EBF2: variants seen among roughly 807,000 people sequenced by gnomAD.
EBF2 encodes transcription factor COE2.
EBF2 carries 21 observed loss-of-function variants against 72.8 expected under a neutral mutation model. The observed-to-expected ratio is 0.29, with a 90% CI of 0.20 to 0.42. EBF2 has a LOEUF of 0.42. Among genes scored for constraint, EBF2 ranks in the 10% least tolerant of loss-of-function variants. EBF2 has a pLI of 1.00. For missense variants in EBF2, 637 were observed against 731.2 expected (o/e 0.87, Z 1.49); for synonymous variants, 299 against 274.2 (o/e 1.09, Z -0.89).
At chr8:25,919,736 C>T (rs1018368674) in intron 6 of EBF2, among the ~76,000 whole-genome samples, 3 of 152,196 alleles carry the variant, frequency 2.0e-5, no homozygotes, top group African/African-American at 2.4e-5. Context: ...GGAGCAGATG[C>T]CAGGGGTACT....
At chr8:25,982,278 G>C (rs1445043631) in intron 6 of EBF2, among the ~76,000 whole-genome samples, 1 of 152,232 alleles carries the variant, frequency 6.6e-6, no homozygotes, top group Non-Finnish European at 1.5e-5. Context: ...GGGAAGTGGT[G>C]AGAAAACTGC....
rs149860447 is a variant in EBF2, at chr8:25,873,106, T to G, written c.1010-10309A>C. Among the ~76,000 whole-genome samples, 1,057 of 152,302 alleles carry G rather than the reference T, an allele frequency of 6.9e-3. 5 individuals carry two copies. The highest frequency in any genetic ancestry group is 9.9e-3 in the Non-Finnish European group (676 of 68,018). On this transcript the variant is annotated intron_variant, in intron 10 of 15. Transcript: ENST00000520164. ...TGCCCTATTCCTCATGTGTCCAACA[T>G]GCAAAGGCTACGTTAAATTCACACT...
chr8:25,996,625 A>G (rs573509546), intron 6 of EBF2, among the ~76,000 whole-genome samples: 88 of 152,272 alleles, frequency 5.8e-4, no homozygotes, highest in Middle Eastern at 6.8e-3. Context: ...AAAATAAACT[A>G]AGAATTAAAT....
At chr8:25,911,212 T>C (rs1803123995) in intron 6 of EBF2, among the ~76,000 whole-genome samples, 1 of 152,202 alleles carries the variant, frequency 6.6e-6, no homozygotes, top group Admixed American at 6.5e-5. Flanking sequence ...CACTCTCCAC[T>C]AAGAAACGGG....
intron 1 of EBF2, 81 bp from the exon 2 acceptor site, chr8:26,042,332 A>G: frequency 6.7e-7 from 1 of 1,501,346 alleles, no homozygotes; most frequent in Non-Finnish European, 9.0e-7. Context: ...ACAACACTGC[A>G]GAGGGGTAAG....
chr8:25,985,895 G>A (rs974593121), intron 6 of EBF2, among the ~76,000 whole-genome samples: 3 of 149,562 alleles, frequency 2.0e-5, no homozygotes, highest in African/African-American at 7.4e-5. Context: ...CCAGCTACTG[G>A]GGAGGCTGAT....
intron 6 of EBF2, among the ~76,000 whole-genome samples, chr8:25,985,431 C>T (rs560601574): frequency 7.9e-4 from 120 of 152,272 alleles, no homozygotes; most frequent in African/African-American, 2.8e-3. Context: ...CCAGAGTCAG[C>T]CTCGCTCTAA....
At chr8:25,954,481 G>C (rs985978188) in intron 6 of EBF2, among the ~76,000 whole-genome samples, 1 of 152,220 alleles carries the variant, frequency 6.6e-6, no homozygotes, top group African/African-American at 2.4e-5. Context: ...GACCCCCAGA[G>C]GTCAAGGGCA....
chr8:25,965,972 A>G (rs1377622074), intron 6 of EBF2, among the ~76,000 whole-genome samples: 5 of 152,216 alleles, frequency 3.3e-5, no homozygotes, highest in Non-Finnish European at 5.9e-5. Context: ...CCTGCACTCT[A>G]TGAACAAGGA....
At chr8:26,005,498 A>T (rs1222482169) in intron 6 of EBF2, among the ~76,000 whole-genome samples, 1 of 75,424 alleles carries the variant, frequency 1.3e-5, no homozygotes, top group Non-Finnish European at 2.4e-5. Context: ...ATATATTATA[A>T]AATATAATAT....
chr8:26,011,312 A>T lies in EBF2; in HGVS notation c.551+21773T>A, dbSNP rs57074700. 2.9e-3 allele frequency among the ~76,000 whole-genome samples: 438 copies of T among 152,342 alleles called. 2 individuals carry two copies. Among genetic ancestry groups the T allele is most frequent in the African/African-American group, 9.4e-3 (391 of 41,584 alleles). ...GAAACAACTAACCTGTTCTAGTAAA[A>T]GAAAGCGATAGCAGCGACCAATCAT... On this transcript the variant is annotated intron_variant, in intron 6 of 15. Coordinates refer to ENST00000520164, the MANE Select transcript of EBF2 (RefSeq NM_022659.4).
chr8:25,904,064 G>A (rs1291370044), intron 7 of EBF2, among the ~76,000 whole-genome samples: 1 of 152,142 alleles, frequency 6.6e-6, no homozygotes, highest in Non-Finnish European at 1.5e-5. Flanking sequence ...TTACATGAAG[G>A]ATGCCTATTG....
chr8:25,861,513 T>C (rs1012866289), intron 11 of EBF2, 139 bp from the exon 12 acceptor site: 8 of 834,692 alleles, frequency 9.6e-6, no homozygotes, highest in Non-Finnish European at 1.5e-5. Context: ...TATATTTGGT[T>C]TGACAGGTAG....
intron 6 of EBF2, among the ~76,000 whole-genome samples, chr8:25,932,542 C>T (rs1258771314): frequency 6.6e-6 from 1 of 152,138 alleles, no homozygotes; most frequent in Admixed American, 6.5e-5. Context: ...ACGGCAGAAG[C>T]CTCCTGCCTA....
Position 26,005,561 on chromosome 8 carries a change from T to TAGAGAGAGGGAG in EBF2, c.551+27523_551+27524insCTCCCTCTCTCT, listed in dbSNP as rs1554481010. 6.3e-5 allele frequency among the ~76,000 whole-genome samples: 4 copies of TAGAGAGAGGGAG among 63,900 alleles called. No individual in the cohort carries two copies. The East Asian group carries it at 1.7e-3, about 27-fold the overall frequency. The allele number at this position is 63,900 out of a possible 152,430, so 41.9% of individuals were successfully genotyped here. On this transcript the variant is annotated intron_variant, in intron 6 of 15. Coordinates refer to ENST00000520164, the MANE Select transcript of EBF2 (RefSeq NM_022659.4). ...TATATTTTATATATATATATATATA[T>TAGAGAGAGGGAG]AGAGAGAGAGAGAGAGAGGTATTTT...
At chr8:25,895,675 G>A (rs1272942425) in intron 7 of EBF2, among the ~76,000 whole-genome samples, 1 of 152,154 alleles carries the variant, frequency 6.6e-6, no homozygotes, top group African/African-American at 2.4e-5. Context: ...TTTATACAAA[G>A]CAGGAGCTGA....
chr8:25,915,518 A>G (rs1803198999), intron 6 of EBF2, among the ~76,000 whole-genome samples: 1 of 152,056 alleles, frequency 6.6e-6, no homozygotes, highest in Non-Finnish European at 1.5e-5. Context: ...GAAAAGATAA[A>G]TAAATCTATC....
At chr8:26,025,460 C>A (rs1204112430) in intron 6 of EBF2, among the ~76,000 whole-genome samples, 2 of 152,030 alleles carry the variant, frequency 1.3e-5, no homozygotes, top group Admixed American at 1.3e-4. Context: ...CATTTATACA[C>A]GACTAAGGAT....
chr8:25,965,756 T>C (rs752275647), intron 6 of EBF2, among the ~76,000 whole-genome samples: 5 of 152,154 alleles, frequency 3.3e-5, no homozygotes, highest in African/African-American at 4.8e-5. Context: ...TGTAGGGCCC[T>C]AGAGTCACCT....
Sources: gnomAD v4.1 joint callset for allele counts (sites outside exome capture counted in the v4.1 genomes callset) on GRCh38, gnomAD v4.1.1 for gene constraint, MANE v1.5 for transcripts, NCBI Gene and HGNC (gene_info 2026-07-23, HGNC 2026-07-21) for gene names.